Variants in NRXN1 observed in about 807,000 individuals in gnomAD.
NRXN1 encodes neurexin-1.
Under a neutral mutation model 150.9 loss-of-function variants are expected in NRXN1, and 39 were observed. The ratio of observed to expected loss-of-function variants is 0.26; its 90% confidence interval spans 0.20 to 0.34. NRXN1 has a LOEUF of 0.34. NRXN1 is among the 10% of genes least tolerant of loss of function. The pLI, the probability that NRXN1 is intolerant of heterozygous loss-of-function variation, is 1.00. For synonymous variants in NRXN1, 924 were observed against 757.0 expected (o/e 1.22, Z -3.62); for missense variants, 1,815 against 1,949.9 (o/e 0.93, Z 1.30).
intron 5 of NRXN1, among the ~76,000 whole-genome samples, chr2:50,690,366 T>A (rs1691896992): frequency 6.6e-6 from 1 of 152,214 alleles, no homozygotes. Context: ...ATACTATGAA[T>A]GATTCAGCAC....
intron 18 of NRXN1, among the ~76,000 whole-genome samples, chr2:50,149,521 A>G (rs930688908): frequency 1.3e-5 from 2 of 151,740 alleles, no homozygotes; most frequent in Non-Finnish European, 2.9e-5. Context: ...GATGGAAGCC[A>G]TAAGTGACAC....
chr2:50,265,989 ATTATTATTATTTAT>A (rs1193120495), intron 17 of NRXN1, among the ~76,000 whole-genome samples: 6 of 93,710 alleles, frequency 6.4e-5, no homozygotes, highest in Admixed American at 1.0e-4. Context: ...TATTATTATT[ATTATTATTATTTAT>A]TTTTTTTTTT....
intron 17 of NRXN1, among the ~76,000 whole-genome samples, chr2:50,407,011 G>C (rs2082793082): frequency 6.6e-6 from 1 of 151,972 alleles, no homozygotes; most frequent in Admixed American, 6.6e-5. Flanking sequence ...TCACCTCTGA[G>C]GACAACAGGA....
In NRXN1 at chr2:50,465,550, T is replaced by C. The variant is rs540872844; in HGVS notation, c.3256A>G (p.Thr1086Ala). The part of the protein sequence containing the change: ...IERGCEGPST[T>A]CQEDSCSNQG... Reference sequence around the variant, plus strand: ...TTGGAACATGAGTCCTCTTGGCAGGTTGTGCTGGGCCCTGCAAAACAATCC... The same window carrying C: ...TTGGAACATGAGTCCTCTTGGCAGGCTGTGCTGGGCCCTGCAAAACAATCC... The change falls in exon 17 of 23, where the codon ACC becomes GCC. Residue 1086 changes from threonine (T) to alanine (A), a missense_variant. Thr to Ala is a moderately conservative substitution (Grantham distance 58, BLOSUM62 0). Around this residue, in one of 6 missense-constraint regions of NRXN1, gnomAD observed 339 missense variants for 440.3 expected, o/e 0.77. Transcript: ENST00000401669. 8 of 1,608,838 alleles carry C rather than the reference T, an allele frequency of 5.0e-6. No homozygotes were observed. In the African/African-American group the frequency reaches 9.4e-5, roughly 19 times the overall value.
chr2:50,845,352 A>G (rs766866185), intron 5 of NRXN1, among the ~76,000 whole-genome samples: 2 of 151,964 alleles, frequency 1.3e-5, no homozygotes, highest in Admixed American at 1.3e-4. Context: ...ATATACTGTC[A>G]CTCTTAATCT....
At chr2:50,979,539 A>G (rs1223460675) in intron 2 of NRXN1, among the ~76,000 whole-genome samples, 4 of 152,102 alleles carry the variant, frequency 2.6e-5, no homozygotes, top group Non-Finnish European at 5.9e-5. Context: ...TTCAATTATA[A>G]ATTATTTCAT....
intron 18 of NRXN1, among the ~76,000 whole-genome samples, chr2:50,215,380 A>T (rs2063325013): frequency 6.6e-6 from 1 of 152,082 alleles, no homozygotes; most frequent in Non-Finnish European, 1.5e-5. Flanking sequence ...AAAGCTCAAC[A>T]AATGAATCCA....
At chr2:50,173,993 C>T (rs1469135508) in intron 18 of NRXN1, among the ~76,000 whole-genome samples, 1 of 151,970 alleles carries the variant, frequency 6.6e-6, no homozygotes, top group East Asian at 1.9e-4. Flanking sequence ...ATGGATCCTA[C>T]CACAAGTCCT....
intron 21 of NRXN1, chr2:49,974,124 A>T: frequency 1.4e-6 from 1 of 715,548 alleles, no homozygotes; most frequent in Non-Finnish European, 2.6e-6. Flanking sequence ...TCAGTGGGAG[A>T]TCAAGATGAT....
chr2:50,269,823 T>A (rs1174002752), intron 17 of NRXN1, among the ~76,000 whole-genome samples: 1 of 152,160 alleles, frequency 6.6e-6, no homozygotes, highest in Non-Finnish European at 1.5e-5. Context: ...CATTGAGCCT[T>A]AAAGAGGCGG....
chr2:50,636,466 G>A (rs115479103), intron 5 of NRXN1, among the ~76,000 whole-genome samples: 6 of 152,158 alleles, frequency 3.9e-5, no homozygotes, highest in Non-Finnish European at 8.8e-5. Context: ...TAACATTCTC[G>A]ATTTATTGAG....
intron 5 of NRXN1, among the ~76,000 whole-genome samples, chr2:50,900,818 A>G (rs1682830690): frequency 6.6e-6 from 1 of 152,146 alleles, no homozygotes; most frequent in African/African-American, 2.4e-5. Context: ...GATGTAATGC[A>G]AGAACGAGGT....
intron 18 of NRXN1, among the ~76,000 whole-genome samples, chr2:50,177,491 A>G (rs1201298931): frequency 6.6e-6 from 1 of 151,792 alleles, no homozygotes; most frequent in African/African-American, 2.4e-5. Context: ...TATCATAAAT[A>G]TATTACTTTT....
chr2:50,885,978 C>A (rs1230596547), intron 5 of NRXN1, among the ~76,000 whole-genome samples: 2 of 151,266 alleles, frequency 1.3e-5, no homozygotes, highest in Admixed American at 6.6e-5. Flanking sequence ...AGGGAATTCA[C>A]CCCACAGACT....
At chr2:50,460,214 A>AT (rs2088027819) in intron 17 of NRXN1, among the ~76,000 whole-genome samples, 1 of 152,094 alleles carries the variant, frequency 6.6e-6, no homozygotes, top group African/African-American at 2.4e-5. Flanking sequence ...GAGTGCTAAC[A>AT]TTTGAGCCAA....
At chr2:50,550,376 G>A (rs906668951) in intron 9 of NRXN1, among the ~76,000 whole-genome samples, 17 of 151,910 alleles carry the variant, frequency 1.1e-4, no homozygotes, top group African/African-American at 4.1e-4. Flanking sequence ...TTTTTGGCAT[G>A]TTTTGTTTTA....
In NRXN1 at chr2:50,110,278, C is replaced by G. The variant is rs573707581; in HGVS notation, c.3547-18784G>C. ...GGCTGAGGTGGGCAGATCACGAGGT[C>G]AGGAAATCGAGACCATCCTGTCTAA... is the stretch of plus-strand genomic sequence containing the variant. On this transcript the variant is annotated intron_variant, in intron 18 of 22. Coordinates refer to ENST00000401669, the MANE Select transcript of NRXN1 (RefSeq NM_001330078.2). Among the ~76,000 whole-genome samples the G allele has an allele frequency of 4.6e-5, 7 of 152,016 alleles. No homozygotes were observed. The South Asian group carries it at 1.5e-3, about 32-fold the overall frequency.
At chr2:50,139,225 C>T (rs1706878471) in intron 18 of NRXN1, among the ~76,000 whole-genome samples, 5 of 150,916 alleles carry the variant, frequency 3.3e-5, no homozygotes, top group Admixed American at 3.3e-4. Context: ...ACTTGGGAGG[C>T]CGAGACAGGA....
chr2:50,652,401 C>A (rs966035783), intron 5 of NRXN1, among the ~76,000 whole-genome samples: 1 of 152,006 alleles, frequency 6.6e-6, no homozygotes, highest in African/African-American at 2.4e-5. Context: ...CTCTTCCCAC[C>A]CCCAGGCCAA....
Sources: allele counts gnomAD v4.1 joint callset (sites outside exome capture counted in the v4.1 genomes callset), GRCh38; gene constraint gnomAD v4.1.1; regional missense constraint gnomAD v4.1.1; transcripts MANE v1.5; gene names NCBI Gene and HGNC (gene_info 2026-07-23, HGNC 2026-07-21).